CDH18: variants seen among roughly 807,000 people sequenced by gnomAD.
CDH18 encodes cadherin-18.
Under a neutral mutation model 67.9 loss-of-function variants are expected in CDH18, and 31 were observed. That is an observed-to-expected ratio of 0.46 (90% confidence interval 0.34 to 0.62). The LOEUF is 0.62. Ranked by LOEUF, CDH18 falls within the 20% of genes least tolerant of loss-of-function variation. CDH18 has a pLI of 0.01. For missense variants in CDH18, 890 were observed against 975.5 expected, an observed-to-expected ratio of 0.91 and a Z score of 1.17; for synonymous variants, 362 against 347.2, an observed-to-expected ratio of 1.04 and a Z score of -0.48.
At chr5:19,744,288 C>T (rs1032155395) in intron 4 of CDH18, among the ~76,000 whole-genome samples, 2 of 152,116 alleles carry the variant, frequency 1.3e-5, no homozygotes, top group African/African-American at 4.8e-5. Context: ...TTTTGTCCCT[C>T]AACCATACTC....
At chr5:20,546,322 C>T (rs912036419) in intron 1 of CDH18, among the ~76,000 whole-genome samples, 13 of 152,122 alleles carry the variant, frequency 8.5e-5, no homozygotes, top group African/African-American at 2.7e-4. Flanking sequence ...CTCATTTCCA[C>T]ATTTTCAGGT....
intron 1 of CDH18, among the ~76,000 whole-genome samples, chr5:20,428,443 C>A (rs1160233681): frequency 1.3e-5 from 2 of 152,130 alleles, no homozygotes; most frequent in East Asian, 1.9e-4. Context: ...GATTTATAAA[C>A]CTTTGGGTAT....
chr5:20,423,872 G>T (rs886505964), intron 1 of CDH18, among the ~76,000 whole-genome samples: 1 of 147,714 alleles, frequency 6.8e-6, no homozygotes, highest in Non-Finnish European at 1.5e-5. Flanking sequence ...GCATGAACCC[G>T]GGAGGTGGAG....
At chr5:19,939,622 C>T (rs57287981) in intron 2 of CDH18, among the ~76,000 whole-genome samples, 4,380 of 151,744 alleles carry the variant, frequency 0.029, 229 homozygotes, top group East Asian at 0.21. Context: ...TGAATTAAAG[C>T]ATACTGCTGG....
chr5:20,298,263 A>G (rs1251381764), intron 1 of CDH18, among the ~76,000 whole-genome samples: 2 of 152,238 alleles, frequency 1.3e-5, no homozygotes, highest in Non-Finnish European at 2.9e-5. Context: ...TCAAAAAATT[A>G]TAATTTTGTT....
chr5:19,505,370 G>A (rs1743947840), intron 10 of CDH18, among the ~76,000 whole-genome samples: 2 of 152,114 alleles, frequency 1.3e-5, no homozygotes, highest in Admixed American at 1.3e-4. Flanking sequence ...TAGGAGTGGT[G>A]AGAAAGGGCA....
intron 5 of CDH18, among the ~76,000 whole-genome samples, chr5:19,636,652 A>C (rs934253760): frequency 6.6e-6 from 1 of 151,964 alleles, no homozygotes; most frequent in East Asian, 1.9e-4. Flanking sequence ...GATAAAAAAT[A>C]TTTATATAAT....
At chr5:19,765,776 C>T (rs1256588273) in intron 3 of CDH18, among the ~76,000 whole-genome samples, 1 of 152,064 alleles carries the variant, frequency 6.6e-6, no homozygotes, top group Non-Finnish European at 1.5e-5. Context: ...GGGTTGAGCC[C>T]ATATAACTCT....
intron 2 of CDH18, among the ~76,000 whole-genome samples, chr5:20,108,294 G>A (rs1368845005): frequency 1.3e-5 from 2 of 152,016 alleles, no homozygotes; most frequent in Admixed American, 6.6e-5. Flanking sequence ...GTTTCACCAT[G>A]TTGGCCAAGA....
intron 2 of CDH18, among the ~76,000 whole-genome samples, chr5:19,980,528 T>TG (rs1798932532): frequency 6.6e-6 from 1 of 152,186 alleles, no homozygotes; most frequent in African/African-American, 2.4e-5. Flanking sequence ...GACAGTGTCT[T>TG]CCTTGAAGTC....
intron 3 of CDH18, among the ~76,000 whole-genome samples, chr5:19,752,999 A>G (rs964809677): frequency 6.6e-5 from 10 of 152,208 alleles, no homozygotes; most frequent in Admixed American, 6.5e-4. Context: ...TATGTGAAGG[A>G]AACACCCCAT....
intron 2 of CDH18, among the ~76,000 whole-genome samples, chr5:19,945,490 G>T (rs1164021232): frequency 1.3e-5 from 2 of 152,108 alleles, no homozygotes; most frequent in Non-Finnish European, 2.9e-5. Flanking sequence ...CATCATAGCA[G>T]GGAGGGAGAC....
At chr5:19,626,275 G>T (rs1751529050) in intron 5 of CDH18, among the ~76,000 whole-genome samples, 1 of 152,146 alleles carries the variant, frequency 6.6e-6, no homozygotes, top group African/African-American at 2.4e-5. Flanking sequence ...TATTAGTTAA[G>T]CAAAATCACA....
chr5:19,690,623 A>C (rs1163372919), intron 5 of CDH18, among the ~76,000 whole-genome samples: 1 of 151,342 alleles, frequency 6.6e-6, no homozygotes, highest in Non-Finnish European at 1.5e-5. Context: ...CCACAGAAAT[A>C]CAAAAAAAAT....
At chr5:19,626,548 C>T (rs1751580790) in intron 5 of CDH18, among the ~76,000 whole-genome samples, 1 of 151,862 alleles carries the variant, frequency 6.6e-6, no homozygotes, top group African/African-American at 2.4e-5. Context: ...TGAAGAGTGG[C>T]CTTGGATTCC....
At chr5:19,567,847 AGTG>A (rs1343905755) in intron 8 of CDH18, among the ~76,000 whole-genome samples, 2 of 152,114 alleles carry the variant, frequency 1.3e-5, no homozygotes, top group African/African-American at 4.8e-5. Flanking sequence ...CAACCAGGAG[AGTG>A]CATGTTTCAT....
intron 2 of CDH18, among the ~76,000 whole-genome samples, chr5:19,863,933 C>A (rs1363549139): frequency 2.0e-5 from 3 of 152,054 alleles, no homozygotes; most frequent in East Asian, 3.9e-4. Context: ...GTTGGTGGGA[C>A]TGTAAACTAG....
At chr5:19,621,489 G>T (rs998621963) in intron 5 of CDH18, among the ~76,000 whole-genome samples, 1 of 151,788 alleles carries the variant, frequency 6.6e-6, no homozygotes, top group Non-Finnish European at 1.5e-5. Context: ...AATTATAATC[G>T]GGATCTCATA....
intron 5 of CDH18, among the ~76,000 whole-genome samples, chr5:19,687,216 T>C (rs1430010779): frequency 6.6e-6 from 1 of 152,084 alleles, no homozygotes; most frequent in Non-Finnish European, 1.5e-5. Context: ...TGTGATGGCA[T>C]TGCTCCGGGA....
Sources: allele counts gnomAD v4.1 joint callset (sites outside exome capture counted in the v4.1 genomes callset), GRCh38; gene constraint gnomAD v4.1.1; transcripts MANE v1.5; gene names NCBI Gene and HGNC (gene_info 2026-07-23, HGNC 2026-07-21).